The following NR2C1 variants were observed in gnomAD, a reference collection of about 807,000 sequenced individuals.
NR2C1 encodes nuclear receptor subfamily 2 group C member 1.
Under a neutral mutation model 74.8 loss-of-function variants are expected in NR2C1, and 33 were observed. The observed-to-expected ratio is 0.44, with a 90% CI of 0.33 to 0.59. The LOEUF (loss-of-function observed/expected upper bound fraction) is 0.59. NR2C1 is among the 20% of genes least tolerant of loss of function. The pLI, the probability that NR2C1 is intolerant of heterozygous loss-of-function variation, is 0.02. For missense variants in NR2C1, 568 were observed against 715.6 expected (o/e 0.79, Z 2.35); for synonymous variants, 225 against 240.6 (o/e 0.94, Z 0.60).
chr12:95,042,898 A>G (rs1003341636), intron 9 of NR2C1, among the ~76,000 whole-genome samples: 4 of 141,228 alleles, frequency 2.8e-5, no homozygotes, highest in Non-Finnish European at 4.5e-5. Flanking sequence ...GTAGTTCAAG[A>G]CCGGCCTGGG....
chr12:95,043,654 T>C lies in NR2C1; in HGVS notation c.1132-3057A>G, dbSNP rs374584195. On this transcript the variant is annotated intron_variant, in intron 9 of 13. Coordinates refer to ENST00000333003, the MANE Select transcript of NR2C1 (RefSeq NM_003297.4). Reference sequence around the variant, plus strand: ...GCAGTGAGCCAAGATTGTGCCACTGTACTCCAGCCTGGGAGACAGAGCAAG... The same window carrying C: ...GCAGTGAGCCAAGATTGTGCCACTGCACTCCAGCCTGGGAGACAGAGCAAG... Among the ~76,000 whole-genome samples, 1,144 of 133,204 alleles carry C rather than the reference T, an allele frequency of 8.6e-3. 17 individuals carry two copies. Among genetic ancestry groups the C allele is most frequent in the African/African-American group, 0.032 (1,086 of 34,122 alleles). 87.4% of individuals were successfully genotyped at this position (133,204 alleles called of 152,430 possible).
chr12:95,062,946 C>T, intron 2 of NR2C1: 1 of 580,928 alleles, frequency 1.7e-6, no homozygotes, highest in Non-Finnish European at 3.0e-6. Flanking sequence ...TTTGACCTCA[C>T]TATTTTGATT....
chr12:95,072,292 A>T (rs1876767857), intron 1 of NR2C1, among the ~76,000 whole-genome samples: 1 of 125,830 alleles, frequency 7.9e-6, no homozygotes, highest in African/African-American at 3.2e-5. Flanking sequence ...AAACAAAAAC[A>T]AAAACAAAAA....
intron 13 of NR2C1, among the ~76,000 whole-genome samples, chr12:95,024,594 G>T (rs1592717718): frequency 6.6e-6 from 1 of 152,000 alleles, no homozygotes; most frequent in African/African-American, 2.4e-5. Context: ...AATGGTATTT[G>T]TTTTTATTTT....
chr12:95,059,318 T>A (rs1874394331), intron 4 of NR2C1, among the ~76,000 whole-genome samples: 1 of 151,980 alleles, frequency 6.6e-6, no homozygotes, highest in African/African-American at 2.4e-5. Flanking sequence ...AAAAAAAATT[T>A]TTTTTTTACA....
Position 95,049,112 on chromosome 12 carries a change from C to T in NR2C1, c.1087G>A (p.Glu363Lys), listed in dbSNP as rs746288815. 1 of 1,613,868 alleles carries T rather than the reference C, an allele frequency of 6.2e-7. No individual in the cohort carries two copies. The highest frequency in any genetic ancestry group is 8.5e-7 in the Non-Finnish European group (1 of 1,179,876). The change falls in exon 9 of 14, where the codon GAA becomes AAA. Residue 363 changes from glutamate to lysine, a missense_variant. Glu to Lys is a moderately conservative substitution (Grantham distance 56, BLOSUM62 1). Coordinates refer to ENST00000333003, the MANE Select transcript of NR2C1 (RefSeq NM_003297.4). ...TCGCTGAGAAGTGGCCCCTCTTTTTCGGTGTAATTTATGCTTGAATCTCCA... is the reference window on the plus strand; with the variant it reads ...TCGCTGAGAAGTGGCCCCTCTTTTTTGGTGTAATTTATGCTTGAATCTCCA... ...ITGDSSINYT[E>K]KEGPLLSDSH...
intron 10 of NR2C1, among the ~76,000 whole-genome samples, chr12:95,033,109 G>A (rs1444191398): frequency 6.7e-6 from 1 of 149,586 alleles, no homozygotes; most frequent in Non-Finnish European, 1.5e-5. Context: ...AAGAGACACT[G>A]CACTCCAGCC....
At chr12:95,070,660 G>T (rs114035163) in intron 1 of NR2C1, among the ~76,000 whole-genome samples, 2,044 of 152,284 alleles carry the variant, frequency 0.013, 39 homozygotes, top group African/African-American at 0.046. Flanking sequence ...CATCAGTGCT[G>T]CTTTAATGGC....
Position 95,049,186 on chromosome 12 carries a change from G to T in NR2C1, c.1013C>A (p.Ala338Asp). Residue 338 changes from alanine (A) to aspartate (D), a missense_variant, in exon 9 of 14, where the codon GCC becomes GAC. This residue lies in a region of NR2C1 where 239 missense variants were observed against 232.3 expected (regional missense o/e 1.03). Coordinates refer to ENST00000333003, the MANE Select transcript of NR2C1 (RefSeq NM_003297.4). ...CATGCCCGCTACTGAGCTCTGGCAG[G>T]CTGTGCTCTCTCCAGGATTCAATGC... ...AKALNPGEST[A>D]CQSSVAGMEG... 6.2e-7 allele frequency: 1 copy of T among 1,614,098 alleles called. No individual in the cohort carries two copies.
At chr12:95,066,657 A>C (rs1415877226) in intron 2 of NR2C1, among the ~76,000 whole-genome samples, 1 of 152,184 alleles carries the variant, frequency 6.6e-6, no homozygotes, top group African/African-American at 2.4e-5. Context: ...TCACTCATGC[A>C]TAATTTTGTA....
intron 8 of NR2C1, 52 bp from the exon 9 acceptor site, chr12:95,049,285 A>C: frequency 6.5e-7 from 1 of 1,547,322 alleles, no homozygotes; most frequent in Non-Finnish European, 8.8e-7. Context: ...GCAATAAAAT[A>C]ACAATTCTAC....
At chr12:95,029,513 AAC>A (rs955500959) in intron 11 of NR2C1, among the ~76,000 whole-genome samples, 5 of 151,184 alleles carry the variant, frequency 3.3e-5, no homozygotes, top group Admixed American at 3.3e-4. Flanking sequence ...TAAAAAAAAC[AAC>A]AAACCAAACA....
intron 10 of NR2C1, 74 bp downstream of exon 10, chr12:95,040,402 A>C: frequency 7.0e-7 from 1 of 1,428,756 alleles, no homozygotes; most frequent in Non-Finnish European, 9.4e-7. Flanking sequence ...AAATCTTCCC[A>C]AAATAAAAAG....
rs931868190 is a variant in NR2C1 at position 95,044,272 on chromosome 12, CT to C, written c.1132-3676del. ...TCTTATAACAGCCTGCGTGATATAG[CT>C]TTTTTTTTTTTTGAGATGCAGTCTT... On this transcript the variant is annotated intron_variant, in intron 9 of 13. Coordinates refer to ENST00000333003, the MANE Select transcript of NR2C1 (RefSeq NM_003297.4). 3.5e-3 allele frequency among the ~76,000 whole-genome samples: 507 copies of C among 143,654 alleles called. 1 individual carries two copies. The highest frequency in any genetic ancestry group is 4.3e-3 in the African/African-American group (168 of 39,484). 94.2% of individuals were successfully genotyped at this position (143,654 alleles called of 152,430 possible). A position where few individuals can be genotyped will look rare whatever the true frequency, so the allele number is the denominator to read the frequency against.
At chr12:95,047,795 C>T (rs1415002757) in intron 9 of NR2C1, among the ~76,000 whole-genome samples, 1 of 152,180 alleles carries the variant, frequency 6.6e-6, no homozygotes, top group Non-Finnish European at 1.5e-5. Context: ...AAGGTCTCCA[C>T]AGTGAGCATG....
chr12:95,039,510 C>T (rs540991990), intron 10 of NR2C1, among the ~76,000 whole-genome samples: 7 of 152,232 alleles, frequency 4.6e-5, no homozygotes, highest in South Asian at 4.1e-4. Context: ...CATTGCTTTG[C>T]CTTTAGACAC....
At chr12:95,069,431 T>C (rs1263509697) in intron 1 of NR2C1, among the ~76,000 whole-genome samples, 1 of 152,232 alleles carries the variant, frequency 6.6e-6, no homozygotes, top group African/African-American at 2.4e-5. Flanking sequence ...TTAGATTTGT[T>C]ACTTACATAA....
chr12:95,050,014 G>A (rs1872767606), intron 8 of NR2C1, among the ~76,000 whole-genome samples: 1 of 152,020 alleles, frequency 6.6e-6, no homozygotes, highest in African/African-American at 2.4e-5. Flanking sequence ...TGCTAAGGCT[G>A]GTCTCCCAAC....
At chr12:95,030,641 A>G (rs773154109) in intron 11 of NR2C1, 17 of 1,611,718 alleles carry the variant, frequency 1.1e-5, no homozygotes, top group South Asian at 3.3e-5. Flanking sequence ...TGTTAAACAT[A>G]AGGAGGAAGC....
Sources: allele counts gnomAD v4.1 joint callset (sites outside exome capture counted in the v4.1 genomes callset), GRCh38; gene constraint gnomAD v4.1.1; regional missense constraint gnomAD v4.1.1; transcripts MANE v1.5; gene names NCBI Gene and HGNC (gene_info 2026-07-23, HGNC 2026-07-21).